The following CEP112 variants were observed in gnomAD, a reference collection of about 807,000 sequenced individuals.
CEP112 encodes centrosomal protein of 112 kDa.
A neutral mutation model predicts 153.0 loss-of-function variants in CEP112; 127 were observed. The ratio of observed to expected loss-of-function variants is 0.83; its 90% CI spans 0.72 to 0.96. The LOEUF is 0.96. Ranked by LOEUF, CEP112 falls within the 40% of genes least tolerant of loss-of-function variation. CEP112 has a pLI of 0.00. For missense variants in CEP112, 1,089 were observed against 1,101.2 expected, an observed-to-expected ratio of 0.99 and a Z score of 0.16; for synonymous variants, 358 against 374.4, an observed-to-expected ratio of 0.96 and a Z score of 0.51.
intron 21 of CEP112, chr17:65,826,046 T>C (rs1330083236): frequency 1.6e-6 from 2 of 1,275,580 alleles, no homozygotes; most frequent in Non-Finnish European, 2.3e-6. Flanking sequence ...CTCCTTGAGA[T>C]GAATTACCAA....
chr17:65,710,450 A>G (rs232156), intron 23 of CEP112, among the ~76,000 whole-genome samples: 74,119 of 151,918 alleles, frequency 0.49, 18,610 homozygotes, highest in African/African-American at 0.57. Flanking sequence ...AAATACTTTT[A>G]GGGATTTGGT....
At chr17:65,648,540 A>G (rs187816938) in intron 24 of CEP112, among the ~76,000 whole-genome samples, 124 of 152,322 alleles carry the variant, frequency 8.1e-4, no homozygotes, top group Non-Finnish European at 1.2e-3. Context: ...TCATGTTCCA[A>G]TCAAGTAGAA....
At chr17:66,153,743 A>G (rs78143878) in intron 4 of CEP112, among the ~76,000 whole-genome samples, 26,940 of 152,186 alleles carry the variant, frequency 0.18, 2,597 homozygotes, top group Non-Finnish European at 0.22. Context: ...ACACTATAAA[A>G]TATCAAGATT....
At chr17:65,968,530 TTA>T (rs540238112) in intron 17 of CEP112, among the ~76,000 whole-genome samples, 127 of 152,322 alleles carry the variant, frequency 8.3e-4, no homozygotes, top group Non-Finnish European at 1.4e-3. Context: ...CCCACTACTT[TTA>T]GAGAATTGTA....
intron 17 of CEP112, among the ~76,000 whole-genome samples, chr17:66,005,288 T>G (rs549506571): frequency 6.6e-6 from 1 of 152,304 alleles, no homozygotes; most frequent in South Asian, 2.1e-4. Context: ...CTTTCCTAAA[T>G]AATGCCTGTA....
At chr17:65,882,719 T>C (rs1367723884) in intron 20 of CEP112, among the ~76,000 whole-genome samples, 1 of 152,214 alleles carries the variant, frequency 6.6e-6, no homozygotes, top group African/African-American at 2.4e-5. Context: ...TAGGCTTATG[T>C]TATACATATG....
chr17:66,110,152 C>G (rs1392175557), intron 6 of CEP112, among the ~76,000 whole-genome samples: 2 of 152,052 alleles, frequency 1.3e-5, no homozygotes, highest in Admixed American at 1.3e-4. Context: ...GAGCAAGACT[C>G]CGTCTCAAAA....
At position 65,977,167 on chromosome 17, in the gene CEP112, C is replaced by T. The variant is rs189309317; in HGVS notation, c.1737-15569G>A. Among the ~76,000 whole-genome samples the T allele has an allele frequency of 2.6e-3, 396 of 152,318 alleles. 1 individual carries two copies. Among genetic ancestry groups the T allele is most frequent in the African/African-American group, 9.1e-3 (379 of 41,574 alleles). Reference sequence around the variant, plus strand: ...TGGAACTGGAATAAACGAGACTCTGCTATGCATGGTTGCGTTTCTTACAGC... The same window carrying T: ...TGGAACTGGAATAAACGAGACTCTGTTATGCATGGTTGCGTTTCTTACAGC... On this transcript the variant is annotated intron_variant, in intron 17 of 26. Coordinates refer to ENST00000535342, the MANE Select transcript of CEP112 (RefSeq NM_001199165.4).
intron 17 of CEP112, among the ~76,000 whole-genome samples, chr17:65,973,713 T>C (rs2062930915): frequency 6.6e-6 from 1 of 152,056 alleles, no homozygotes; most frequent in African/African-American, 2.4e-5. Flanking sequence ...AGTGGTTGCC[T>C]GGATATGGGG....
chr17:65,945,502 A>G lies in CEP112; in HGVS notation c.1872+15961T>C, dbSNP rs566402967. On this transcript the variant is annotated intron_variant, in intron 18 of 26. Coordinates refer to ENST00000535342, the MANE Select transcript of CEP112 (RefSeq NM_001199165.4). ...TGTACCCATTTATATTCATATTAGT[A>G]GTATACATCAGTTTCATTGTTCCAC... Among the ~76,000 whole-genome samples, 15 of 152,338 alleles carry G rather than the reference A, an allele frequency of 9.8e-5. No homozygotes were observed. The East Asian group carries it at 1.5e-3, about 16-fold the overall frequency.
chr17:66,006,059 T>C (rs915239317), intron 16 of CEP112, among the ~76,000 whole-genome samples: 2 of 152,184 alleles, frequency 1.3e-5, no homozygotes, highest in Non-Finnish European at 2.9e-5. Flanking sequence ...TTTTAAATTA[T>C]ATTTTAATCA....
At chr17:65,982,881 C>G (rs2063277564) in intron 17 of CEP112, among the ~76,000 whole-genome samples, 3 of 152,284 alleles carry the variant, frequency 2.0e-5, no homozygotes, top group Admixed American at 2.0e-4. Context: ...ATTCAGCCAT[C>G]AAAAGGAATG....
At chr17:65,784,466 A>G (rs1008694203) in intron 21 of CEP112, among the ~76,000 whole-genome samples, 1 of 152,052 alleles carries the variant, frequency 6.6e-6, no homozygotes, top group Non-Finnish European at 1.5e-5. Context: ...TGTCCCCAAG[A>G]CTGGGGTGCT....
At position 65,637,176 on chromosome 17, in the gene CEP112, G is replaced by A. The variant is rs1387376375; in HGVS notation, c.2812C>T (p.Gln938Ter). 6.2e-7 allele frequency: 1 copy of A among 1,613,720 alleles called. No homozygotes were observed. Among genetic ancestry groups the A allele is most frequent in the Non-Finnish European group, 8.5e-7 (1 of 1,179,660 alleles). Residue 938 changes from glutamine (Q) to a stop codon, truncating the protein, a stop_gained, in exon 26 of 27, where the codon CAA becomes TAA. Coordinates refer to ENST00000535342, the MANE Select transcript of CEP112 (RefSeq NM_001199165.4). LOFTEE classifies it high-confidence loss of function. Reference sequence around the variant, plus strand: ...TCCTGAAGGATGGAAGCTCTCTTTTGCAGAAAATTAACCTAGAAAAGACAC... The same window carrying A: ...TCCTGAAGGATGGAAGCTCTCTTTTACAGAAAATTAACCTAGAAAAGACAC... ...SSLKSQVNFL[Q>*]KRASILQEEL...
chr17:66,120,672 T>G (rs1401165497), intron 6 of CEP112, among the ~76,000 whole-genome samples: 3 of 152,206 alleles, frequency 2.0e-5, no homozygotes, highest in Non-Finnish European at 4.4e-5. Flanking sequence ...TAATCTCTTA[T>G]TATACTTTGA....
intron 12 of CEP112, among the ~76,000 whole-genome samples, chr17:66,040,165 T>C (rs926794886): frequency 1.3e-5 from 2 of 152,202 alleles, no homozygotes; most frequent in African/African-American, 4.8e-5. Flanking sequence ...TTTGAACTTC[T>C]TACAGCAGTG....
At chr17:65,881,165 C>T (rs1380299700) in intron 20 of CEP112, among the ~76,000 whole-genome samples, 3 of 152,054 alleles carry the variant, frequency 2.0e-5, no homozygotes, top group African/African-American at 7.2e-5. Context: ...TGCAGTGAGC[C>T]GAGATAGCGC....
intron 21 of CEP112, among the ~76,000 whole-genome samples, chr17:65,796,923 G>C (rs2054958575): frequency 6.6e-6 from 1 of 151,428 alleles, no homozygotes; most frequent in African/African-American, 2.4e-5. Context: ...GCTTGGTGGT[G>C]CACACCTGTA....
intron 16 of CEP112, among the ~76,000 whole-genome samples, chr17:66,012,241 T>C (rs2064561509): frequency 6.6e-6 from 1 of 152,224 alleles, no homozygotes; most frequent in Non-Finnish European, 1.5e-5. Context: ...AAGGTTAGTA[T>C]TGATATGTGC....
Sources: allele counts gnomAD v4.1 joint callset (sites outside exome capture counted in the v4.1 genomes callset), GRCh38; gene constraint gnomAD v4.1.1; transcripts MANE v1.5; gene names NCBI Gene and HGNC (gene_info 2026-07-23, HGNC 2026-07-21).